The following KNTC1 variants were observed in gnomAD, a reference collection of about 807,000 sequenced individuals.
KNTC1 encodes kinetochore-associated protein 1.
A neutral mutation model predicts 314.4 loss-of-function variants in KNTC1; 253 were observed. That is an observed-to-expected ratio of 0.80 (90% confidence interval 0.73 to 0.89). KNTC1 has a LOEUF of 0.89. Ranked by LOEUF, KNTC1 falls within the 40% of genes least tolerant of loss-of-function variation. The pLI, the probability that KNTC1 is intolerant of heterozygous loss-of-function variation, is 0.00. For missense variants in KNTC1, 2,475 were observed against 2,572.9 expected (o/e 0.96, Z 0.82); for synonymous variants, 901 against 901.4 (o/e 1.00, Z 0.01).
intron 48 of KNTC1, among the ~76,000 whole-genome samples, chr12:122,603,752 A>G (rs1212814819): frequency 6.6e-6 from 1 of 152,070 alleles, no homozygotes; most frequent in African/African-American, 2.4e-5. Flanking sequence ...CGGCCTCCCA[A>G]AGTGCTGGGA....
chr12:122,558,415 G>A (rs1016181676), intron 18 of KNTC1, among the ~76,000 whole-genome samples: 1 of 151,822 alleles, frequency 6.6e-6, no homozygotes, highest in Non-Finnish European at 1.5e-5. Flanking sequence ...AGCCGGGTGT[G>A]GTGTCACGCG....
chr12:122,599,993 T>C (rs924631921), intron 44 of KNTC1, among the ~76,000 whole-genome samples: 3 of 152,154 alleles, frequency 2.0e-5, no homozygotes, highest in African/African-American at 4.8e-5. Flanking sequence ...CACTCCAGCC[T>C]GGGTGACAGA....
At chr12:122,528,128 G>A in intron 1 of KNTC1, among the ~76,000 whole-genome samples, 1 of 152,262 alleles carries the variant, frequency 6.6e-6, no homozygotes, top group East Asian at 1.9e-4. Flanking sequence ...TAGTAAATAG[G>A]TATTCAATAA....
At chr12:122,559,069 C>T (rs1396575705) in intron 18 of KNTC1, among the ~76,000 whole-genome samples, 3 of 152,072 alleles carry the variant, frequency 2.0e-5, no homozygotes, top group Non-Finnish European at 2.9e-5. Flanking sequence ...AGGGTTTGGG[C>T]TGGGCACGTT....
At chr12:122,551,779 A>G in intron 16 of KNTC1, 83 bp downstream of exon 16, 1 of 1,004,864 alleles carries the variant, frequency 1.0e-6, no homozygotes, top group South Asian at 1.3e-5. Context: ...TGTAATATAT[A>G]ATTGGAATTT....
intron 63 of KNTC1, among the ~76,000 whole-genome samples, chr12:122,625,597 AAAAAC>A (rs1483361166): frequency 1.3e-5 from 2 of 151,970 alleles, no homozygotes; most frequent in African/African-American, 2.4e-5. Context: ...AACAAAAAAA[AAAAAC>A]AAAGGAAAAA....
intron 62 of KNTC1, among the ~76,000 whole-genome samples, chr12:122,624,023 G>A (rs1404865765): frequency 5.9e-5 from 9 of 152,142 alleles, no homozygotes; most frequent in African/African-American, 2.2e-4. Flanking sequence ...AGCCGAGATC[G>A]CACCATTGCA....
intron 10 of KNTC1, among the ~76,000 whole-genome samples, chr12:122,547,104 G>A (rs1962831234): frequency 6.6e-6 from 1 of 152,054 alleles, no homozygotes; most frequent in South Asian, 2.1e-4. Flanking sequence ...AAAGTGCTGG[G>A]ATTACAGGTG....
intron 7 of KNTC1, 131 bp downstream of exon 7, chr12:122,543,765 A>G (rs940433722): frequency 1.6e-6 from 1 of 614,420 alleles, no homozygotes; most frequent in Non-Finnish European, 2.7e-6. Context: ...TTTTAATAAC[A>G]TTTCTATTTA....
intron 18 of KNTC1, among the ~76,000 whole-genome samples, chr12:122,561,551 T>A (rs567246115): frequency 6.6e-6 from 1 of 152,098 alleles, no homozygotes; most frequent in Admixed American, 6.6e-5. Context: ...CCTCTCGGGC[T>A]CAAGGGATTC....
chr12:122,571,247 CTTTTT>C, intron 24 of KNTC1, 121 bp downstream of exon 24: 3 of 645,218 alleles, frequency 4.6e-6, no homozygotes, highest in Non-Finnish European at 7.4e-6. Flanking sequence ...TTTTTTGTGC[CTTTTT>C]TTTGTTTTGT....
intron 42 of KNTC1, among the ~76,000 whole-genome samples, chr12:122,592,314 G>T (rs1023961974): frequency 6.6e-6 from 1 of 152,316 alleles, no homozygotes; most frequent in South Asian, 2.1e-4. Flanking sequence ...CCCCGCCTCC[G>T]TGGGTTCCTG....
At chr12:122,549,555 A>G (rs981321857) in intron 12 of KNTC1, among the ~76,000 whole-genome samples, 2 of 150,980 alleles carry the variant, frequency 1.3e-5, no homozygotes, top group South Asian at 2.1e-4. Context: ...TTTAGTAGAC[A>G]GGGTTTCACT....
intron 33 of KNTC1, among the ~76,000 whole-genome samples, chr12:122,581,962 C>T (rs1868464975): frequency 6.6e-6 from 1 of 152,132 alleles, no homozygotes; most frequent in East Asian, 1.9e-4. Context: ...AAAATAACTC[C>T]CCTTTCCTCT....
chr12:122,612,565 C>T (rs553241793), intron 53 of KNTC1, among the ~76,000 whole-genome samples: 203 of 151,960 alleles, frequency 1.3e-3, no homozygotes, highest in Non-Finnish European at 2.3e-3. Context: ...ATTACAGGCA[C>T]GTGCTACCAC....
rs897265673 is a variant in KNTC1 at position 122,598,017 on chromosome 12, T to G, written c.4563+79T>G. 4 of 1,039,644 alleles carry G rather than the reference T, an allele frequency of 3.8e-6. No homozygotes were observed. In the African/African-American group the frequency reaches 6.3e-5, roughly 16 times the overall value. The allele number at this position is 1,039,644 out of a possible 1,614,324, so 64.4% of individuals were successfully genotyped here. On this transcript the variant is annotated intron_variant, in intron 44 of 63. Coordinates refer to ENST00000333479, the MANE Select transcript of KNTC1 (RefSeq NM_014708.6). ...ATAATTAGATACATTAGTAACAAAT[T>G]GGATGTATAAGTCTATATTTTTATC...
chr12:122,621,061 G>C (rs936748626), intron 60 of KNTC1, among the ~76,000 whole-genome samples: 2 of 152,164 alleles, frequency 1.3e-5, no homozygotes, highest in Non-Finnish European at 2.9e-5. Context: ...ATAGGGTCTG[G>C]TAATGAACTT....
Position 122,575,999 on chromosome 12 carries a change from G to A in KNTC1, c.2586+100G>A, listed in dbSNP as rs1231693893. ...TATTCTAGGAGGCTAATAGAGCTAG[G>A]TTTTTCCACTACATTTCTTTTGTTA... On this transcript the variant is annotated intron_variant, in intron 29 of 63. Transcript: ENST00000333479. The A allele has an allele frequency of 4.5e-6, 6 of 1,344,516 alleles. No homozygotes were observed. The East Asian group carries it at 1.5e-4, about 34-fold the overall frequency. The allele number at this position is 1,344,516 out of a possible 1,614,324, so 83.3% of individuals were successfully genotyped here.
At chr12:122,621,260 G>A (rs1460342150) in intron 60 of KNTC1, among the ~76,000 whole-genome samples, 1 of 152,142 alleles carries the variant, frequency 6.6e-6, no homozygotes, top group Non-Finnish European at 1.5e-5. Context: ...AAAGCATTTT[G>A]GAATGTTTTA....
Sources: gnomAD v4.1 joint callset for allele counts (sites outside exome capture counted in the v4.1 genomes callset) on GRCh38, gnomAD v4.1.1 for gene constraint, MANE v1.5 for transcripts, NCBI Gene and HGNC (gene_info 2026-07-23, HGNC 2026-07-21) for gene names.